Variants in MTMR1 observed in about 807,000 individuals in gnomAD.
MTMR1 encodes myotubularin related protein 1, also known as phosphatidylinositol-3-phosphate phosphatase MTMR1.
Under a neutral mutation model 51.6 loss-of-function variants are expected in MTMR1, and 17 were observed. That is an observed-to-expected ratio of 0.33 (90% confidence interval 0.23 to 0.49). The LOEUF is 0.49. MTMR1 is among the 20% of genes least tolerant of loss of function. MTMR1 has a pLI of 0.99. For synonymous variants in MTMR1, 201 were observed against 205.6 expected (o/e 0.98, Z 0.19); for missense variants, 386 against 526.9 (o/e 0.73, Z 2.62).
intron 2 of MTMR1, among the ~76,000 whole-genome samples, chrX:150,699,811 C>A (rs2040848132): frequency 8.9e-6 from 1 of 111,934 alleles, no homozygotes; most frequent in Middle Eastern, 4.6e-3. Flanking sequence ...AAGTTAGATT[C>A]CCTGCTTATT....
intron 2 of MTMR1, among the ~76,000 whole-genome samples, chrX:150,702,626 G>A (rs782723628): frequency 8.9e-5 from 10 of 112,361 alleles, no homozygotes; most frequent in African/African-American, 3.2e-4. Context: ...ACGTATTTTA[G>A]TAGCTATGTA....
chrX:150,714,083 C>T (rs184904201), intron 3 of MTMR1, among the ~76,000 whole-genome samples: 14 of 112,254 alleles, frequency 1.2e-4, no homozygotes, highest in Admixed American at 7.5e-4. Context: ...TTGACTTTGC[C>T]CTTTACCAGT....
Position 150,730,090 on chromosome X carries a change from T to C in MTMR1, c.556-19T>C. The C allele has an allele frequency of 8.7e-7, 1 of 1,142,988 alleles. No homozygotes were observed. The highest frequency in any genetic ancestry group is 2.4e-4 in the Middle Eastern group (1 of 4,126). The allele number at this position is 1,142,988 out of a possible 1,213,427, so 94.2% of individuals were successfully genotyped here. A position where few individuals can be genotyped will look rare whatever the true frequency, so the allele number is the denominator to read the frequency against. On this transcript the variant is annotated intron_variant, in intron 6 of 15. Transcript: ENST00000445323. ...CCTGATGTATGTTGAATAACCGAGT[T>C]TTGCTAATTGTTTAACAGGATATGA...
intron 2 of MTMR1, among the ~76,000 whole-genome samples, chrX:150,705,115 A>G (rs952366491): frequency 4.4e-5 from 5 of 112,518 alleles, no homozygotes; most frequent in African/African-American, 1.6e-4. Context: ...GATAGGTTCA[A>G]CACCATAATA....
rs2043254587 is a variant in MTMR1 at position 150,764,951 on chromosome X, A to AGTAG, written c.*2225_*2226insGGTA. ...CTCCCTGGTCTTTTTTAAGTAAGTA[A>AGTAG]GTAAGTATCTTAGTAGATTTTTCCT... is the stretch of plus-strand genomic sequence containing the variant. On this transcript the variant is annotated 3_prime_UTR_variant, in exon 16 of 16. Coordinates refer to ENST00000445323, the MANE Select transcript of MTMR1 (RefSeq NM_001306144.3). 3 of 112,563 alleles carry AGTAG rather than the reference A, an allele frequency of 2.7e-5. No individual in the cohort carries two copies. The South Asian group carries it at 1.1e-3, about 40-fold the overall frequency. The allele number at this position is 112,563 out of a possible 1,213,427, so 9.3% of individuals were successfully genotyped here. A position where few individuals can be genotyped will look rare whatever the true frequency, so the allele number is the denominator to read the frequency against.
At chrX:150,698,079 T>G (rs184841141) in intron 1 of MTMR1, among the ~76,000 whole-genome samples, 239 of 110,547 alleles carry the variant, frequency 2.2e-3, no homozygotes, top group African/African-American at 7.7e-3. Flanking sequence ...TCACCTGAGG[T>G]CAGGAGTTCA....
chrX:150,705,183 A>G (rs2041052812), intron 2 of MTMR1, among the ~76,000 whole-genome samples: 1 of 112,273 alleles, frequency 8.9e-6, no homozygotes, highest in African/African-American at 3.2e-5. Context: ...GAATGACCCA[A>G]TTTGAATAAC....
At chrX:150,751,499 C>A (rs1168339204) in intron 14 of MTMR1, among the ~76,000 whole-genome samples, 1 of 111,273 alleles carries the variant, frequency 9.0e-6, no homozygotes, top group Admixed American at 9.5e-5. Flanking sequence ...CCCGCCTCCC[C>A]CTCTCTCAGC....
chrX:150,724,705 T>A (rs1464682482), intron 4 of MTMR1, among the ~76,000 whole-genome samples: 1 of 112,093 alleles, frequency 8.9e-6, no homozygotes, highest in Non-Finnish European at 1.9e-5. Flanking sequence ...TCTTCCAGGG[T>A]TTTTACAGAT....
At position 150,694,869 on chromosome X, in the gene MTMR1, C is replaced by T. The variant is rs1195822414; in HGVS notation, c.146+1193C>T. On this transcript the variant is annotated intron_variant, in intron 1 of 15. Transcript: ENST00000445323. ...ATACAAACCAACCAACAGTGGAAAT[C>T]GAATGTGATAAATGAGATAGGTGGT... Among the ~76,000 whole-genome samples the T allele has an allele frequency of 2.7e-5, 3 of 111,849 alleles. No individual in the cohort carries two copies. The Admixed American group carries it at 2.8e-4, about 11-fold the overall frequency.
At chrX:150,702,514 C>G (rs782143086) in intron 2 of MTMR1, among the ~76,000 whole-genome samples, 23 of 112,017 alleles carry the variant, frequency 2.1e-4, no homozygotes, top group Non-Finnish European at 4.1e-4. Flanking sequence ...TTATTATTTA[C>G]TCATATCATA....
intron 15 of MTMR1, among the ~76,000 whole-genome samples, chrX:150,759,768 G>A (rs932077629): frequency 1.8e-5 from 2 of 110,142 alleles, no homozygotes; most frequent in African/African-American, 6.5e-5. Context: ...CAGCGACAGC[G>A]CCTATAACCT....
Position 150,729,222 on chromosome X carries a change from A to C in MTMR1, c.556-887A>C, listed in dbSNP as rs781946750. 8.7e-3 allele frequency among the ~76,000 whole-genome samples: 926 copies of C among 106,925 alleles called. 10 individuals are homozygous for C. Among genetic ancestry groups the C allele is most frequent in the African/African-American group, 0.029 (831 of 28,589 alleles). 92.9% of individuals were successfully genotyped at this position (106,925 alleles called of 115,157 possible). A position where few individuals can be genotyped will look rare whatever the true frequency, so the allele number is the denominator to read the frequency against. Reference sequence around the variant, plus strand: ...GTTCATACTTGACACACCCACCCACACACACACACACACACACACACACAT... The same window carrying C: ...GTTCATACTTGACACACCCACCCACCCACACACACACACACACACACACAT... On this transcript the variant is annotated intron_variant, in intron 6 of 15. Coordinates refer to ENST00000445323, the MANE Select transcript of MTMR1 (RefSeq NM_001306144.3).
chrX:150,760,129 C>T (rs976365548), intron 15 of MTMR1, among the ~76,000 whole-genome samples: 1 of 108,500 alleles, frequency 9.2e-6, no homozygotes, highest in African/African-American at 3.3e-5. Context: ...AAGAGAGAAC[C>T]AAAAAAGAGT....
chrX:150,723,413 C>G (rs1461615193), intron 4 of MTMR1, among the ~76,000 whole-genome samples: 1 of 109,860 alleles, frequency 9.1e-6, no homozygotes, highest in Admixed American at 9.7e-5. Context: ...AGTTCTAGAT[C>G]CCTGAGGAAT....
intron 3 of MTMR1, chrX:150,712,772 CTAAG>C (rs1452398885): frequency 1.5e-5 from 3 of 204,592 alleles, no homozygotes; most frequent in African/African-American, 3.1e-5. Flanking sequence ...GCTGTCCTAT[CTAAG>C]TAAGATTTCA....
At chrX:150,698,347 A>G (rs1285346931) in intron 1 of MTMR1, among the ~76,000 whole-genome samples, 1 of 111,233 alleles carries the variant, frequency 9.0e-6, no homozygotes, top group African/African-American at 3.3e-5. Flanking sequence ...CAAAGCACTT[A>G]TAGAAGTGTA....
rs186897711 is a variant in MTMR1 at position 150,759,516 on chromosome X, C to G, written c.1858-3049C>G. On this transcript the variant is annotated intron_variant, in intron 15 of 15. Transcript: ENST00000445323. ...GATTACTGCAGGAGACCCCCGTACC[C>G]CTGCCACGCTCCCCCTTGTGCAGCA... Among the ~76,000 whole-genome samples the G allele has an allele frequency of 1.5e-3, 147 of 100,326 alleles. 2 individuals are homozygous for G. Among genetic ancestry groups the G allele is most frequent in the African/African-American group, 4.7e-3 (140 of 29,997 alleles). 87.1% of individuals were successfully genotyped at this position (100,326 alleles called of 115,157 possible). A position where few individuals can be genotyped will look rare whatever the true frequency, so the allele number is the denominator to read the frequency against.
At chrX:150,715,278 G>A (rs1049451094) in intron 3 of MTMR1, among the ~76,000 whole-genome samples, 11 of 111,913 alleles carry the variant, frequency 9.8e-5, no homozygotes, top group African/African-American at 2.3e-4. Flanking sequence ...GAAAAGTAGC[G>A]GAGAGGCCAG....
Sources: gnomAD v4.1 joint callset for allele counts (sites outside exome capture counted in the v4.1 genomes callset) on GRCh38, gnomAD v4.1.1 for gene constraint, MANE v1.5 for transcripts, NCBI Gene and HGNC (gene_info 2026-07-23, HGNC 2026-07-21) for gene names.